Variants in GLI2 observed in about 807,000 individuals in gnomAD.
GLI2 encodes transcription activator GLI2.
GLI2 carries 22 observed loss-of-function variants against 78.9 expected under a neutral mutation model. The observed-to-expected ratio is 0.28, with a 90% CI of 0.20 to 0.40. The LOEUF is 0.40. GLI2 is among the 10% of genes least tolerant of loss of function. GLI2 has a pLI of 1.00. For synonymous variants in GLI2, 974 were observed against 963.7 expected (o/e 1.01, Z -0.20); for missense variants, 2,097 against 2,213.2 (o/e 0.95, Z 1.05).
intron 3 of GLI2, among the ~76,000 whole-genome samples, chr2:120,950,073 C>T (rs1446418815): frequency 6.6e-6 from 1 of 152,194 alleles, no homozygotes; most frequent in Non-Finnish European, 1.5e-5. Context: ...GTTCTCCTTT[C>T]ATGACTGCCT....
intron 2 of GLI2, among the ~76,000 whole-genome samples, chr2:120,904,250 T>C (rs1275815116): frequency 1.3e-5 from 2 of 152,232 alleles, no homozygotes; most frequent in African/African-American, 2.4e-5. Flanking sequence ...CTGAGATGGC[T>C]GAATCAGTTA....
intron 2 of GLI2, 90 bp downstream of exon 2, chr2:120,797,558 G>A: frequency 7.8e-7 from 1 of 1,285,606 alleles, no homozygotes; most frequent in East Asian, 2.3e-5. Flanking sequence ...CATGTCGTCA[G>A]GGAGGCATGC....
intron 2 of GLI2, among the ~76,000 whole-genome samples, chr2:120,892,071 A>G (rs1285050464): frequency 6.6e-6 from 1 of 152,214 alleles, no homozygotes; most frequent in East Asian, 1.9e-4. Flanking sequence ...CTTTGGACAA[A>G]GCTTGACATC....
intron 3 of GLI2, among the ~76,000 whole-genome samples, chr2:120,940,243 G>T (rs1479670107): frequency 1.3e-5 from 2 of 152,212 alleles, no homozygotes; most frequent in African/African-American, 4.8e-5. Context: ...TTGATGGCAG[G>T]TTTGGGTGAA....
chr2:120,792,968 G>A (rs565998268), intron 1 of GLI2, among the ~76,000 whole-genome samples: 19 of 152,280 alleles, frequency 1.2e-4, no homozygotes, highest in Admixed American at 2.0e-4. Flanking sequence ...TGAGCACCCC[G>A]TTCGGTTTTT....
At chr2:120,909,344 C>T (rs1189900521) in intron 2 of GLI2, among the ~76,000 whole-genome samples, 6 of 152,118 alleles carry the variant, frequency 3.9e-5, no homozygotes, top group Non-Finnish European at 8.8e-5. Context: ...CCCCTGCTGC[C>T]CTTCCCTCAG....
intron 2 of GLI2, among the ~76,000 whole-genome samples, chr2:120,905,937 C>T (rs1038094666): frequency 3.9e-5 from 6 of 152,066 alleles, no homozygotes; most frequent in African/African-American, 1.4e-4. Context: ...TATCCCGTCC[C>T]CTGCCCGTCG....
In GLI2 at chr2:120,991,462, A is replaced by T. The variant is rs182068021; in HGVS notation, c.*787A>T. ...TCCAGACCGTGTTTACAGTGTTTGC[A>T]TGTAGAATGTAGCCCTTCCTGAAAA... On this transcript the variant is annotated 3_prime_UTR_variant, in exon 14 of 14. Coordinates refer to ENST00000361492, the MANE Select transcript of GLI2 (RefSeq NM_001374353.1). 1 of 152,674 alleles carries T rather than the reference A, an allele frequency of 6.5e-6. No homozygotes were observed. Among genetic ancestry groups the T allele is most frequent in the Non-Finnish European group, 1.5e-5 (1 of 68,062 alleles). The allele number at this position is 152,674 out of a possible 1,614,324, so 9.5% of individuals were successfully genotyped here.
chr2:120,774,996 G>T (rs1242757022), intron 1 of GLI2, among the ~76,000 whole-genome samples: 2 of 152,206 alleles, frequency 1.3e-5, no homozygotes, highest in Admixed American at 6.5e-5. Flanking sequence ...CCAAGAGCTA[G>T]TCTGTGTGGG....
intron 2 of GLI2, among the ~76,000 whole-genome samples, chr2:120,872,391 G>A (rs752823172): frequency 2.0e-5 from 3 of 152,202 alleles, no homozygotes; most frequent in Non-Finnish European, 2.9e-5. Context: ...AGTGGCTGCT[G>A]CCTAGTCCTG....
intron 5 of GLI2, among the ~76,000 whole-genome samples, chr2:120,962,187 G>C (rs572921208): frequency 2.0e-5 from 3 of 152,194 alleles, no homozygotes; most frequent in Non-Finnish European, 4.4e-5. Context: ...GTGCAAGCAG[G>C]GTTGGAACCT....
chr2:120,898,786 C>G (rs1678104541), intron 2 of GLI2, among the ~76,000 whole-genome samples: 1 of 152,124 alleles, frequency 6.6e-6, no homozygotes, highest in African/African-American at 2.4e-5. Context: ...AACTGCAGCT[C>G]AGAGAGGTGA....
intron 2 of GLI2, among the ~76,000 whole-genome samples, chr2:120,886,046 C>T (rs1444852065): frequency 1.3e-5 from 2 of 151,826 alleles, no homozygotes; most frequent in Non-Finnish European, 2.9e-5. Flanking sequence ...AGGTGAGAAC[C>T]CCTATTCTCA....
In GLI2 at chr2:120,745,741, T is replaced by A. The variant is rs192930169; in HGVS notation, c.-31+9456T>A. Reference sequence around the variant, plus strand: ...TTCAAGAGTGCATGGAAGAACACACTGGAAACATTTGAAATTGTGATGTGG... The same window carrying A: ...TTCAAGAGTGCATGGAAGAACACACAGGAAACATTTGAAATTGTGATGTGG... On this transcript the variant is annotated intron_variant, in intron 1 of 13. Coordinates refer to ENST00000361492, the MANE Select transcript of GLI2 (RefSeq NM_001374353.1). Among the ~76,000 whole-genome samples the A allele has an allele frequency of 2.4e-4, 36 of 152,324 alleles. No homozygotes were observed. In the East Asian group the frequency reaches 5.6e-3, roughly 24 times the overall value.
intron 3 of GLI2, among the ~76,000 whole-genome samples, chr2:120,937,300 A>G (rs1177153388): frequency 6.6e-6 from 1 of 152,180 alleles, no homozygotes; most frequent in Non-Finnish European, 1.5e-5. Context: ...TGTGACATGC[A>G]TAGATTTTGT....
At chr2:120,762,288 A>G (rs1456053456) in intron 1 of GLI2, among the ~76,000 whole-genome samples, 1 of 152,160 alleles carries the variant, frequency 6.6e-6, no homozygotes, top group Non-Finnish European at 1.5e-5. Flanking sequence ...TGTGTTTCTC[A>G]TTGAGTGACC....
chr2:120,774,525 ATG>A (rs936669884), intron 1 of GLI2, among the ~76,000 whole-genome samples: 18 of 152,270 alleles, frequency 1.2e-4, no homozygotes, highest in African/African-American at 3.1e-4. Flanking sequence ...ACACCTTTTC[ATG>A]TGTATTTATT....
In GLI2 at chr2:120,903,732, T is replaced by A. The variant is rs867744085; in HGVS notation, c.149-23629T>A. The stretch of plus-strand genomic sequence containing the variant: ...GTGACCTACACAACACACAGTAACA[T>A]CTGGGTGGTGACAGCCAAGTGACAA... On this transcript the variant is annotated intron_variant, in intron 2 of 13. Coordinates refer to ENST00000361492, the MANE Select transcript of GLI2 (RefSeq NM_001374353.1). 2.0e-5 allele frequency among the ~76,000 whole-genome samples: 3 copies of A among 152,140 alleles called. No homozygotes were observed. In the South Asian group the frequency reaches 6.2e-4, roughly 32 times the overall value.
intron 2 of GLI2, among the ~76,000 whole-genome samples, chr2:120,895,793 C>A (rs1417066156): frequency 2.0e-5 from 3 of 152,224 alleles, no homozygotes; most frequent in African/African-American, 7.2e-5. Context: ...AACCCAGAGA[C>A]ACTTCGTCTG....
Sources: allele counts gnomAD v4.1 joint callset (sites outside exome capture counted in the v4.1 genomes callset), GRCh38; gene constraint gnomAD v4.1.1; transcripts MANE v1.5; gene names NCBI Gene and HGNC (gene_info 2026-07-23, HGNC 2026-07-21).